The following EFCAB6 variants were observed in gnomAD, a reference collection of about 807,000 sequenced individuals.
The protein encoded by EFCAB6 is EF-hand calcium binding domain 6.
EFCAB6 carries 156 observed loss-of-function variants against 169.8 expected under a neutral mutation model. That is an observed-to-expected ratio of 0.92 (90% CI 0.81 to 1.05). EFCAB6 has a LOEUF of 1.05. Among genes scored for constraint, EFCAB6 ranks in the 50% least tolerant of loss-of-function variants. The pLI, the probability that EFCAB6 is intolerant of heterozygous loss-of-function variation, is 0.00. For synonymous variants in EFCAB6, 698 were observed against 676.4 expected (o/e 1.03, Z -0.50); for missense variants, 1,800 against 1,829.1 (o/e 0.98, Z 0.29).
chr22:43,798,525 G>A (rs957209267), intron 2 of EFCAB6, among the ~76,000 whole-genome samples: 3 of 152,050 alleles, frequency 2.0e-5, no homozygotes, highest in Non-Finnish European at 1.5e-5. Flanking sequence ...CTTTCACAAC[G>A]ACCTCTGTTG....
chr22:43,561,066 T>C (rs564488880), intron 26 of EFCAB6, among the ~76,000 whole-genome samples: 1 of 152,236 alleles, frequency 6.6e-6, no homozygotes, highest in Non-Finnish European at 1.5e-5. Context: ...ATAGAAAACT[T>C]AGAAACTACA....
chr22:43,555,234 G>T, intron 26 of EFCAB6, 138 bp from the exon 27 acceptor site: 1 of 855,118 alleles, frequency 1.2e-6, no homozygotes, highest in Non-Finnish European at 1.8e-6. Context: ...ACAGCCTGGA[G>T]GTGGGTTCAG....
chr22:43,733,544 C>T (rs2060027671), intron 7 of EFCAB6, among the ~76,000 whole-genome samples: 1 of 152,118 alleles, frequency 6.6e-6, no homozygotes, highest in Admixed American at 6.5e-5. Flanking sequence ...GAGTAGTCTG[C>T]TGCCTAAATG....
At chr22:43,574,452 C>T (rs563122280) in intron 26 of EFCAB6, among the ~76,000 whole-genome samples, 2 of 152,158 alleles carry the variant, frequency 1.3e-5, no homozygotes, top group Non-Finnish European at 2.9e-5. Flanking sequence ...CCTTCCCCAA[C>T]AGGCATGACA....
At chr22:43,530,632 C>T in intron 31 of EFCAB6, 183 bp downstream of exon 31, 1 of 985,408 alleles carries the variant, frequency 1.0e-6, no homozygotes, top group Non-Finnish European at 1.2e-6. Flanking sequence ...AACCCGGGGT[C>T]TGAAGGTGAG....
intron 24 of EFCAB6, among the ~76,000 whole-genome samples, chr22:43,587,175 A>C (rs1273210885): frequency 6.6e-6 from 1 of 152,204 alleles, no homozygotes; most frequent in Non-Finnish European, 1.5e-5. Flanking sequence ...GCCAGACTTC[A>C]CGTGTCTGGG....
In EFCAB6 at chr22:43,555,642, C is replaced by T. The variant is rs146646947; in HGVS notation, c.3421-546G>A. Among the ~76,000 whole-genome samples, 790 of 152,330 alleles carry T rather than the reference C, an allele frequency of 5.2e-3. 4 individuals are homozygous for T. Among genetic ancestry groups the T allele is most frequent in the Middle Eastern group, 0.041 (12 of 294 alleles). On this transcript the variant is annotated intron_variant, in intron 26 of 31. Transcript: ENST00000262726. ...CTTTGTGAGACCCACAGGGACTTAA[C>T]TCTGGGGAATTAAGTGCAGTGGCAT...
At chr22:43,746,885 GC>G (rs2060585144) in intron 6 of EFCAB6, among the ~76,000 whole-genome samples, 1 of 152,186 alleles carries the variant, frequency 6.6e-6, no homozygotes, top group South Asian at 2.1e-4. Context: ...GAATCTTGGG[GC>G]CCCTAAGAGC....
chr22:43,529,589 C>G (rs1192866733), intron 31 of EFCAB6, among the ~76,000 whole-genome samples: 1 of 152,176 alleles, frequency 6.6e-6, no homozygotes, highest in Admixed American at 6.5e-5. Flanking sequence ...TGTAGAACAT[C>G]CAGGAAGCCT....
intron 20 of EFCAB6, among the ~76,000 whole-genome samples, chr22:43,619,196 T>C (rs2147764201): frequency 6.6e-6 from 1 of 152,270 alleles, no homozygotes; most frequent in South Asian, 2.1e-4. Context: ...TAGTTAAGAC[T>C]GACTTCTAGG....
At chr22:43,796,021 C>T (rs528723586) in intron 2 of EFCAB6, among the ~76,000 whole-genome samples, 44 of 148,606 alleles carry the variant, frequency 3.0e-4, no homozygotes, top group African/African-American at 9.4e-4. Flanking sequence ...CACCACAGAC[C>T]ACTTACCCCC....
chr22:43,804,554 T>C (rs1426720199), intron 2 of EFCAB6, among the ~76,000 whole-genome samples: 1 of 150,942 alleles, frequency 6.6e-6, no homozygotes, highest in Non-Finnish European at 1.5e-5. Flanking sequence ...AGGCCAGGAG[T>C]TCAAAACCAG....
Position 43,559,828 on chromosome 22 carries a change from C to A in EFCAB6, c.3421-4732G>T, listed in dbSNP as rs367627377. Among the ~76,000 whole-genome samples the A allele has an allele frequency of 4.7e-5, 7 of 150,428 alleles. No individual in the cohort carries two copies. In the South Asian group the frequency reaches 8.4e-4, roughly 18 times the overall value. ...GTTGAACAATGAGGACACATGAACA[C>A]AGGGAGGGGAACATCACACACTGGG... On this transcript the variant is annotated intron_variant, in intron 26 of 31. Transcript: ENST00000262726.
intron 4 of EFCAB6, among the ~76,000 whole-genome samples, chr22:43,771,792 T>C (rs1410398477): frequency 6.6e-6 from 1 of 152,182 alleles, no homozygotes. Context: ...ACCGGCTCCC[T>C]ACAGCCTCTA....
At position 43,568,339 on chromosome 22, in the gene EFCAB6, C is replaced by T. The variant is rs2049586171; in HGVS notation, c.3420+7958G>A. ...ACATCTGTATTTTGGATTTTCTCTG[C>T]AAGACTTATTTGGGACAATACGTTC... On this transcript the variant is annotated intron_variant, in intron 26 of 31. Coordinates refer to ENST00000262726, the MANE Select transcript of EFCAB6 (RefSeq NM_022785.4). Among the ~76,000 whole-genome samples, 4 of 152,204 alleles carry T rather than the reference C, an allele frequency of 2.6e-5. No individual in the cohort carries two copies. In the South Asian group the frequency reaches 8.3e-4, roughly 32 times the overall value.
chr22:43,728,919 C>T (rs575180135), intron 8 of EFCAB6, among the ~76,000 whole-genome samples: 20 of 152,322 alleles, frequency 1.3e-4, no homozygotes, highest in African/African-American at 3.4e-4. Flanking sequence ...TTAATTAGAT[C>T]GCATTTGTCA....
intron 10 of EFCAB6, among the ~76,000 whole-genome samples, chr22:43,695,291 A>C (rs952358913): frequency 1.3e-5 from 2 of 152,070 alleles, no homozygotes; most frequent in Non-Finnish European, 2.9e-5. Context: ...TAAATTTTAG[A>C]TATTATATGC....
intron 13 of EFCAB6, among the ~76,000 whole-genome samples, chr22:43,677,472 CCT>C (rs2057810575): frequency 6.6e-6 from 1 of 152,086 alleles, no homozygotes; most frequent in Non-Finnish European, 1.5e-5. Context: ...ATGGTGAAAC[CCT>C]GTCTCTACTA....
At chr22:43,778,278 G>C (rs2061702438) in intron 3 of EFCAB6, among the ~76,000 whole-genome samples, 1 of 152,146 alleles carries the variant, frequency 6.6e-6, no homozygotes, top group South Asian at 2.1e-4. Flanking sequence ...CACCCTCTTG[G>C]GCCTTCCCCC....
Sources: gnomAD v4.1 joint callset for allele counts (sites outside exome capture counted in the v4.1 genomes callset) on GRCh38, gnomAD v4.1.1 for gene constraint, MANE v1.5 for transcripts, NCBI Gene and HGNC (gene_info 2026-07-23, HGNC 2026-07-21) for gene names.